GOLPH3: variants seen among roughly 807,000 people sequenced by gnomAD.
GOLPH3 encodes the protein coat protein GPP34.
GOLPH3 carries 14 observed loss-of-function variants against 28.5 expected under a neutral mutation model. The observed-to-expected ratio is 0.49, with a 90% CI of 0.32 to 0.77. The LOEUF is 0.77. Among genes scored for constraint, GOLPH3 ranks in the 30% least tolerant of loss-of-function variants. The pLI, the probability that GOLPH3 is intolerant of heterozygous loss-of-function variation, is 0.03. For missense variants in GOLPH3, 350 were observed against 393.7 expected (o/e 0.89, Z 0.94); for synonymous variants, 158 against 159.2 (o/e 0.99, Z 0.06).
intron 1 of GOLPH3, among the ~76,000 whole-genome samples, chr5:32,173,218 A>G (rs769758619): frequency 7.5e-4 from 113 of 150,846 alleles, no homozygotes; most frequent in Non-Finnish European, 5.2e-4. Context: ...TCACCTAGAA[A>G]GTCATTTACC....
Position 32,167,496 on chromosome 5 carries a change from AT to A in GOLPH3, c.225+6313del, listed in dbSNP as rs1746743235. Among the ~76,000 whole-genome samples the A allele has an allele frequency of 2.6e-5, 4 of 152,310 alleles. No homozygotes were observed. In the South Asian group the frequency reaches 8.3e-4, roughly 32 times the overall value. On this transcript the variant is annotated intron_variant, in intron 1 of 3. Coordinates refer to ENST00000265070, the MANE Select transcript of GOLPH3 (RefSeq NM_022130.4). The stretch of plus-strand genomic sequence containing the variant: ...CTTCAAAATACAATTCTAAAACGTA[AT>A]TCAAATGCTCCATACAAGAACTCTC...
intron 3 of GOLPH3, among the ~76,000 whole-genome samples, 194 bp downstream of exon 3, chr5:32,135,378 T>A (rs2111843072): frequency 6.6e-6 from 1 of 152,348 alleles, no homozygotes; most frequent in East Asian, 1.9e-4. Flanking sequence ...GCATTCTATA[T>A]CTGTTCAGTA....
chr5:32,143,704 C>G (rs1176046099), intron 2 of GOLPH3, 45 bp downstream of exon 2: 2 of 1,498,882 alleles, frequency 1.3e-6, no homozygotes, highest in Non-Finnish European at 1.8e-6. Context: ...ACATTTTAAG[C>G]AGTACAACCT....
chr5:32,141,506 T>G (rs161529), intron 2 of GOLPH3, among the ~76,000 whole-genome samples: 10,625 of 152,210 alleles, frequency 0.07, 1,264 homozygotes, highest in African/African-American at 0.24. Flanking sequence ...TATGCGTAAA[T>G]TGCACAATAA....
intron 2 of GOLPH3, among the ~76,000 whole-genome samples, chr5:32,140,556 G>C (rs1236381768): frequency 6.6e-6 from 1 of 151,846 alleles, no homozygotes; most frequent in African/African-American, 2.4e-5. Flanking sequence ...CTACTAGGGA[G>C]GCTGAGGCAG....
At chr5:32,146,073 C>T (rs1234865427) in intron 1 of GOLPH3, among the ~76,000 whole-genome samples, 7 of 152,064 alleles carry the variant, frequency 4.6e-5, no homozygotes, top group Admixed American at 6.6e-5. Context: ...AAGCAGATTG[C>T]TTGAGCCCAG....
intron 1 of GOLPH3, among the ~76,000 whole-genome samples, chr5:32,172,946 T>C (rs1328104395): frequency 6.6e-6 from 1 of 152,252 alleles, no homozygotes; most frequent in East Asian, 1.9e-4. Flanking sequence ...TATATGCATA[T>C]GTATCTATCA....
intron 1 of GOLPH3, among the ~76,000 whole-genome samples, chr5:32,156,421 T>C (rs544749143): frequency 6.6e-6 from 1 of 151,998 alleles, no homozygotes; most frequent in South Asian, 2.1e-4. Flanking sequence ...GAGAATCACT[T>C]GAACCTGGGA....
chr5:32,163,730 A>G (rs543948322), intron 1 of GOLPH3, among the ~76,000 whole-genome samples: 1 of 152,260 alleles, frequency 6.6e-6, no homozygotes, highest in African/African-American at 2.4e-5. Flanking sequence ...GGCACAGAGA[A>G]GCTGTTCAAT....
intron 3 of GOLPH3, among the ~76,000 whole-genome samples, chr5:32,128,333 G>C (rs905857938): frequency 6.6e-6 from 1 of 152,186 alleles, no homozygotes; most frequent in African/African-American, 2.4e-5. Flanking sequence ...ACCAGTCCTA[G>C]AGTATAGACC....
At chr5:32,169,022 C>T (rs1420078446) in intron 1 of GOLPH3, among the ~76,000 whole-genome samples, 1 of 151,874 alleles carries the variant, frequency 6.6e-6, no homozygotes, top group Non-Finnish European at 1.5e-5. Context: ...GCCTCTAATA[C>T]CTGCACTTTG....
chr5:32,169,542 T>G (rs537207930), intron 1 of GOLPH3, among the ~76,000 whole-genome samples: 5 of 152,296 alleles, frequency 3.3e-5, no homozygotes, highest in African/African-American at 1.2e-4. Flanking sequence ...ACTTGGCCAC[T>G]GAAAATAATT....
At chr5:32,151,395 A>G (rs1746303595) in intron 1 of GOLPH3, among the ~76,000 whole-genome samples, 1 of 152,148 alleles carries the variant, frequency 6.6e-6, no homozygotes, top group Non-Finnish European at 1.5e-5. Flanking sequence ...GTGCGATAGC[A>G]CATGCCTGTA....
intron 1 of GOLPH3, among the ~76,000 whole-genome samples, chr5:32,155,119 G>A (rs891030621): frequency 1.4e-4 from 12 of 86,996 alleles, no homozygotes; most frequent in Non-Finnish European, 2.1e-4. Flanking sequence ...AAAAATTAAC[G>A]TTCTAAAATG....
rs180930537 is a variant in GOLPH3, at chr5:32,153,575, T to A, written c.226-9695A>T. ...AAATTGTAAGCCAAACTCAAGTCAA[T>A]TAGTAGTAATGTTGACATTTTTATT... On this transcript the variant is annotated intron_variant, in intron 1 of 3. Transcript: ENST00000265070. Among the ~76,000 whole-genome samples the A allele has an allele frequency of 2.0e-5, 3 of 152,288 alleles. No homozygotes were observed. The East Asian group carries it at 5.8e-4, about 29-fold the overall frequency.
intron 1 of GOLPH3, among the ~76,000 whole-genome samples, chr5:32,157,648 T>C (rs1050087298): frequency 1.3e-5 from 2 of 152,224 alleles, no homozygotes; most frequent in South Asian, 2.1e-4. Context: ...AATCTCAGTA[T>C]ATAAATGTAC....
chr5:32,126,557 C>T lies in GOLPH3; in HGVS notation c.552G>A (p.Lys184=). 6.2e-7 allele frequency: 1 copy of T among 1,614,134 alleles called. No individual in the cohort carries two copies. Among genetic ancestry groups the T allele is most frequent in the Non-Finnish European group, 8.5e-7 (1 of 1,180,016 alleles). Residue 184 remains lysine, a synonymous_variant, in exon 4 of 4, where the codon AAG becomes AAA. Coordinates refer to ENST00000265070, the MANE Select transcript of GOLPH3 (RefSeq NM_022130.4). ...TCTGTTTCTCTGTTGTCAATACACC[C>T]TTTTCCACCAGGTTTTTAGCTAATC... ...RERLAKNLVE[K]GVLTTEKQNF... is the part of the protein sequence containing the mutation.
Position 32,143,794 on chromosome 5 carries a change from T to C in GOLPH3, c.312A>G (p.Gln104=), listed in dbSNP as rs757236605. 5.0e-6 allele frequency: 8 copies of C among 1,607,222 alleles called. No individual in the cohort carries two copies. The highest frequency in any genetic ancestry group is 1.3e-5 in the African/African-American group (1 of 74,592). ...TACGTCTCATTCCACAAGCCTCTAG[T>C]TGTAACCTTCCTCTCAATGCTAATT... ...LIELALRGRL[Q]LEACGMRRKS... The change falls in exon 2 of 4, where the codon CAA becomes CAG. Residue 104 remains glutamine, a synonymous_variant. Transcript: ENST00000265070.
intron 1 of GOLPH3, among the ~76,000 whole-genome samples, chr5:32,164,796 A>T (rs1051520240): frequency 1.3e-5 from 2 of 152,202 alleles, no homozygotes; most frequent in Non-Finnish European, 2.9e-5. Context: ...TAAAGCCAGT[A>T]ATCTACTTAA....
Sources: gnomAD v4.1 joint callset for allele counts (sites outside exome capture counted in the v4.1 genomes callset) on GRCh38, gnomAD v4.1.1 for gene constraint, MANE v1.5 for transcripts, NCBI Gene and HGNC (gene_info 2026-07-23, HGNC 2026-07-21) for gene names.